ITGAL: variants seen among roughly 807,000 people sequenced by gnomAD.
ITGAL encodes the protein integrin subunit alpha L, also known as integrin alpha-L.
In ITGAL, 68 loss-of-function variants were observed where a neutral mutation model predicts 138.4. That is an observed-to-expected ratio of 0.49 (90% CI 0.40 to 0.60). ITGAL has a LOEUF of 0.60. Ranked by LOEUF, ITGAL falls within the 20% of genes least tolerant of loss-of-function variation. ITGAL has a pLI of 0.00. For synonymous variants in ITGAL, 561 were observed against 584.3 expected (o/e 0.96, Z 0.57); for missense variants, 1,256 against 1,478.6 (o/e 0.85, Z 2.47).
At chr16:30,519,721 G>T (rs2051222987) in intron 29 of ITGAL, 136 bp from the exon 30 acceptor site, 1 of 700,882 alleles carries the variant, frequency 1.4e-6, no homozygotes, top group East Asian at 2.5e-5. Flanking sequence ...CGTGTTAAAG[G>T]GAGAGGGTCT....
intron 17 of ITGAL, among the ~76,000 whole-genome samples, chr16:30,501,943 G>A (rs976088937): frequency 1.3e-5 from 2 of 151,272 alleles, no homozygotes; most frequent in Non-Finnish European, 3.0e-5. Flanking sequence ...TGAAGCAGGA[G>A]GATTGCTTGA....
At chr16:30,489,203 T>C (rs1567470086) in intron 10 of ITGAL, 48 bp downstream of exon 10, 2 of 1,613,756 alleles carry the variant, frequency 1.2e-6, no homozygotes, top group South Asian at 2.2e-5. Flanking sequence ...CAGTTGGCTC[T>C]GGGGGGTGGG....
rs376223191 is a variant in ITGAL at position 30,508,415 on chromosome 16, G to A, written c.2508+1559G>A. ...TTTAGTAGAGATGGGGTTTCACCAT[G>A]TTGGCCAGGCTGGTCTTGAACTCCT... On this transcript the variant is annotated intron_variant, in intron 21 of 30. Transcript: ENST00000356798. 1.9e-4 allele frequency among the ~76,000 whole-genome samples: 29 copies of A among 152,050 alleles called. No individual in the cohort carries two copies. In the East Asian group the frequency reaches 2.9e-3, roughly 15 times the overall value.
Position 30,484,215 on chromosome 16 carries a change from C to T in ITGAL, c.958C>T (p.Leu320=), listed in dbSNP as rs780093755. ...FVKILDTFEK[L]KDLFTELQKK... is the part of the protein sequence containing the mutation. Reference sequence around the variant, plus strand: ...GAAAATTCTGGACACATTTGAGAAGCTGAAAGATCTATTCACTGAGCTGCA... The same window carrying T: ...GAAAATTCTGGACACATTTGAGAAGTTGAAAGATCTATTCACTGAGCTGCA... Residue 320 remains leucine, a synonymous_variant, in exon 9 of 31, where the codon CTG becomes TTG. Coordinates refer to ENST00000356798, the MANE Select transcript of ITGAL (RefSeq NM_002209.3). The T allele has an allele frequency of 7.4e-6, 12 of 1,614,130 alleles. No individual in the cohort carries two copies. Among genetic ancestry groups the T allele is most frequent in the South Asian group, 4.4e-5 (4 of 91,082 alleles).
At chr16:30,504,312 A>G in intron 18 of ITGAL, 48 bp downstream of exon 18, 1 of 1,480,858 alleles carries the variant, frequency 6.8e-7, no homozygotes, top group South Asian at 1.1e-5. Context: ...AGAGAAATCC[A>G]TTTGGCAAGA....
intron 4 of ITGAL, among the ~76,000 whole-genome samples, chr16:30,478,751 C>T (rs1462826773): frequency 2.0e-5 from 3 of 150,628 alleles, no homozygotes; most frequent in Non-Finnish European, 3.0e-5. Context: ...TTCTGGGAAT[C>T]TTGATAATTT....
chr16:30,506,658 C>T, intron 20 of ITGAL, 57 bp from the exon 21 acceptor site: 2 of 1,350,630 alleles, frequency 1.5e-6, no homozygotes, highest in East Asian at 8.2e-5. Flanking sequence ...TCCCTCAGTT[C>T]TGATATTCCC....
chr16:30,474,238 G>C lies in ITGAL; in HGVS notation c.104G>C (p.Ser35Thr). ...SYNLDVRGAR[S>T]FSPPRAGRHF... ...AACCTGGACGTGCGGGGCGCGCGGA[G>C]CTTCTCCCCACCGCGCGCCGGGAGG... Residue 35 changes from serine (S) to threonine (T), a missense_variant, in exon 2 of 31, where the codon AGC becomes ACC. By Grantham distance (58) the Ser-to-Thr change is moderately conservative. Coordinates refer to ENST00000356798, the MANE Select transcript of ITGAL (RefSeq NM_002209.3). 6.2e-7 allele frequency: 1 copy of C among 1,609,174 alleles called. No homozygotes were observed. The highest frequency in any genetic ancestry group is 1.1e-5 in the South Asian group (1 of 90,476).
At chr16:30,498,572 G>T (rs925357718) in intron 15 of ITGAL, among the ~76,000 whole-genome samples, 10 of 152,134 alleles carry the variant, frequency 6.6e-5, no homozygotes, top group African/African-American at 2.2e-4. Flanking sequence ...TGGGTCAGAG[G>T]CTGCTAGAAT....
intron 4 of ITGAL, among the ~76,000 whole-genome samples, chr16:30,478,391 G>A (rs111983159): frequency 1.3e-5 from 2 of 148,440 alleles, no homozygotes; most frequent in African/African-American, 5.0e-5. Flanking sequence ...GAGGGGAGAG[G>A]AAGGGAAAAA....
At chr16:30,493,502 T>C (rs1368819634) in intron 11 of ITGAL, among the ~76,000 whole-genome samples, 4 of 151,968 alleles carry the variant, frequency 2.6e-5, no homozygotes, top group Non-Finnish European at 4.4e-5. Flanking sequence ...GGTCTCGATC[T>C]CCTGACCTTG....
chr16:30,511,185 C>T (rs2051086748), intron 24 of ITGAL, 49 bp downstream of exon 24: 2 of 1,454,040 alleles, frequency 1.4e-6, no homozygotes, highest in Non-Finnish European at 9.7e-7. Context: ...ACCGCAGCCT[C>T]CCAACCCAGG....
At chr16:30,481,204 G>C in intron 6 of ITGAL, 1 of 446,546 alleles carries the variant, frequency 2.2e-6, no homozygotes, top group South Asian at 2.2e-5. Context: ...CAAATATTCG[G>C]GTGTGGTGGC....
In ITGAL at chr16:30,517,794, C is replaced by G; in HGVS notation, c.3034-3C>G. ...CTGACCCCGCTTTCCTCATCCTTGT[C>G]AGCCTTGTCTCCCCGGAGCCCTGTT... On this transcript the variant is annotated splice_region_variant and splice_polypyrimidine_tract_variant and intron_variant, in intron 27 of 30. Transcript: ENST00000356798. 1 of 1,614,138 alleles carries G rather than the reference C, an allele frequency of 6.2e-7. No homozygotes were observed. Among genetic ancestry groups the G allele is most frequent in the South Asian group, 1.1e-5 (1 of 91,076 alleles).
intron 1 of ITGAL, 94 bp downstream of exon 1, chr16:30,472,992 C>A (rs2151138952): frequency 8.3e-7 from 1 of 1,202,172 alleles, no homozygotes; most frequent in Non-Finnish European, 1.2e-6. Context: ...GAGCTGCCCC[C>A]TAAAAGTGGG....
chr16:30,519,882 A>G lies in ITGAL; in HGVS notation c.3254A>G (p.Tyr1085Cys), dbSNP rs1168866572. ...GTTGTCATGAAGGTTGACGTGGTGTATGAGAAGCAGATGCTCTACCTCTAC... is the reference window on the plus strand; with the variant it reads ...GTTGTCATGAAGGTTGACGTGGTGTGTGAGAAGCAGATGCTCTACCTCTAC... ...AQVVMKVDVV[Y>C]EKQMLYLYVL... Residue 1085 changes from tyrosine (Y) to cysteine (C), a missense_variant, in exon 30 of 31, where the codon TAT becomes TGT. Tyr to Cys is a radical substitution (Grantham distance 194). Coordinates refer to ENST00000356798, the MANE Select transcript of ITGAL (RefSeq NM_002209.3). 1.9e-6 allele frequency: 3 copies of G among 1,613,734 alleles called. No individual in the cohort carries two copies. The highest frequency in any genetic ancestry group is 2.2e-5 in the East Asian group (1 of 44,898).
Position 30,518,690 on chromosome 16 carries a change from C to T in ITGAL, c.3199C>T (p.Leu1067Phe). 6.2e-7 allele frequency: 1 copy of T among 1,613,934 alleles called. No homozygotes were observed. The highest frequency in any genetic ancestry group is 8.5e-7 in the Non-Finnish European group (1 of 1,179,826). ...CTTCAACAGCAGCAAGCATTTCCACCTCTATGGCAGCAACGCCTCCCTGGC... is the reference window on the plus strand; with the variant it reads ...CTTCAACAGCAGCAAGCATTTCCACTTCTATGGCAGCAACGCCTCCCTGGC... ...ISFNSSKHFH[L>F]YGSNASLAQV... Residue 1067 changes from leucine (L) to phenylalanine (F), a missense_variant, in exon 29 of 31, where the codon CTC becomes TTC. Physicochemically the swap from Leu to Phe is conservative, Grantham distance 22. This residue lies in a region of ITGAL where 867 missense variants were observed against 972.5 expected (regional missense o/e 0.89). Coordinates refer to ENST00000356798, the MANE Select transcript of ITGAL (RefSeq NM_002209.3).
intron 2 of ITGAL, 82 bp downstream of exon 2, chr16:30,474,380 CCTGGG>C: frequency 1.0e-6 from 1 of 964,112 alleles, no homozygotes; most frequent in Middle Eastern, 2.7e-4. Flanking sequence ...CCGACCCTCG[CCTGGG>C]CTAGTCGGTG....
In ITGAL at chr16:30,483,946, G is replaced by A. The variant is rs746821298; in HGVS notation, c.842G>A (p.Arg281His). ...ATCGATGCGGCCAAAGACATCATCCGCTACATCATCGGGGTAGGGCCCCTG... is the reference window on the plus strand; with the variant it reads ...ATCGATGCGGCCAAAGACATCATCCACTACATCATCGGGGTAGGGCCCCTG... ...GNIDAAKDII[R>H]YIIGIGKHFQ... Residue 281 changes from arginine (R) to histidine (H), a missense_variant, in exon 8 of 31, where the codon CGC (arginine) becomes CAC (histidine). Physicochemically the swap from Arg to His is conservative, Grantham distance 29. Around this residue, in one of 3 missense-constraint regions of ITGAL, gnomAD observed 177 missense variants for 288.8 expected, o/e 0.61. Coordinates refer to ENST00000356798, the MANE Select transcript of ITGAL (RefSeq NM_002209.3). The A allele has an allele frequency of 3.1e-6, 5 of 1,613,312 alleles. No homozygotes were observed. The highest frequency in any genetic ancestry group is 4.2e-6 in the Non-Finnish European group (5 of 1,179,370).
Sources: allele counts gnomAD v4.1 joint callset (sites outside exome capture counted in the v4.1 genomes callset), GRCh38; gene constraint gnomAD v4.1.1; regional missense constraint gnomAD v4.1.1; transcripts MANE v1.5; gene names NCBI Gene and HGNC (gene_info 2026-07-23, HGNC 2026-07-21).